Variants in SLC5A4 observed in about 807,000 individuals in gnomAD.
The protein encoded by SLC5A4 is solute carrier family 5 member 4, also known as probable glucose sensor protein SLC5A4.
Under a neutral mutation model 70.3 loss-of-function variants are expected in SLC5A4, and 55 were observed. The ratio of observed to expected loss-of-function variants is 0.78; its 90% CI spans 0.63 to 0.98. SLC5A4 has a LOEUF of 0.98. Among genes scored for constraint, SLC5A4 ranks in the 50% least tolerant of loss-of-function variants. The probability of loss-of-function intolerance (pLI) is 0.00; values close to 1 mark genes in which losing one functional copy is unlikely to be tolerated. For synonymous variants in SLC5A4, 268 were observed against 305.7 expected, an observed-to-expected ratio of 0.88 and a Z score of 1.29; for missense variants, 735 against 839.2, an observed-to-expected ratio of 0.88 and a Z score of 1.53.
chr22:32,271,585 G>A, the SLC5A4 span: 242 of 698,664 alleles, frequency 3.5e-4, no homozygotes, highest in African/African-American at 1.5e-3. Context: ...GCCGCGTGGC[G>A]TGTTTCCACT....
At position 32,231,058 on chromosome 22, in the gene SLC5A4, C is replaced by A. The variant is rs774047730; in HGVS notation, c.1039G>T (p.Val347Leu). 4 of 1,612,290 alleles carry A rather than the reference C, an allele frequency of 2.5e-6. No individual in the cohort carries two copies. The East Asian group carries it at 8.9e-5, about 36-fold the overall frequency. ...ILYTDMVACV[V>L]PSECVKHCGV... is the part of the protein sequence containing the mutation. ...CAGTGTTTCACGCATTCAGAAGGTA[C>A]CACACATGCTACCATATCTGGGGAA... The change falls in exon 10 of 15, where the codon GTA becomes TTA. Residue 347 changes from valine (V) to leucine (L), a missense_variant. Val to Leu is a conservative substitution (Grantham distance 32). Transcript: ENST00000266086.
intron 5 of SLC5A4, among the ~76,000 whole-genome samples, chr22:32,244,888 T>C (rs775964730): frequency 9.2e-5 from 14 of 152,342 alleles, no homozygotes; most frequent in Non-Finnish European, 1.3e-4. Flanking sequence ...TTTACCATTT[T>C]AACCATTTAA....
the SLC5A4 span, among the ~76,000 whole-genome samples, chr22:32,333,196 AC>A: frequency 7.8e-4 from 107 of 136,724 alleles, 1 homozygote; most frequent in African/African-American, 1.4e-3. Context: ...TAGCACTGGC[AC>A]CCCCCCCCCA....
At chr22:32,232,859 A>G in intron 9 of SLC5A4, 40 bp downstream of exon 9, 3 of 1,579,168 alleles carry the variant, frequency 1.9e-6, no homozygotes, top group Non-Finnish European at 1.7e-6. Flanking sequence ...ATCAGAATAC[A>G]AGCATAAAAA....
the SLC5A4 span, among the ~76,000 whole-genome samples, chr22:32,333,813 TCA>T: frequency 2.0e-4 from 28 of 142,238 alleles, no homozygotes; most frequent in East Asian, 6.4e-4. Flanking sequence ...CCACACAATA[TCA>T]CACACACACA....
the SLC5A4 span, among the ~76,000 whole-genome samples, chr22:32,312,363 G>GCACACACACACACACA: frequency 4.7e-5 from 4 of 84,546 alleles, no homozygotes; most frequent in African/African-American, 1.6e-4. Flanking sequence ...ACACGCGCGC[G>GCACACACACACACACA]CGCACACACA....
At chr22:32,240,269 A>G (rs1388981185) in intron 5 of SLC5A4, among the ~76,000 whole-genome samples, 1 of 152,068 alleles carries the variant, frequency 6.6e-6, no homozygotes, top group African/African-American at 2.4e-5. Flanking sequence ...TGACCCTCCT[A>G]GGGCCCTTAG....
At chr22:32,328,090 A>G in the SLC5A4 span, among the ~76,000 whole-genome samples, 1 of 78,062 alleles carries the variant, frequency 1.3e-5, no homozygotes, top group African/African-American at 3.2e-5. Flanking sequence ...AGAGCCCCCA[A>G]CACACAAACA....
At chr22:32,328,661 G>C in the SLC5A4 span, among the ~76,000 whole-genome samples, 1 of 152,276 alleles carries the variant, frequency 6.6e-6, no homozygotes, top group Admixed American at 6.5e-5. Flanking sequence ...CCTCCTGAGA[G>C]ACCCCAAGCC....
chr22:32,347,038 G>T, the SLC5A4 span, among the ~76,000 whole-genome samples: 1 of 152,110 alleles, frequency 6.6e-6, no homozygotes, highest in Non-Finnish European at 1.5e-5. Flanking sequence ...TCAAAAAGTG[G>T]GCGAAGGATA....
At chr22:32,319,303 G>A in the SLC5A4 span, among the ~76,000 whole-genome samples, 2 of 151,500 alleles carry the variant, frequency 1.3e-5, no homozygotes, top group Non-Finnish European at 3.0e-5. Flanking sequence ...CACACCATCA[G>A]CTCTCTTGGG....
the SLC5A4 span, among the ~76,000 whole-genome samples, chr22:32,283,942 G>A: frequency 6.6e-6 from 1 of 152,164 alleles, no homozygotes; most frequent in Non-Finnish European, 1.5e-5. Context: ...ATGAATTGGA[G>A]CTCTATAGGG....
the SLC5A4 span, among the ~76,000 whole-genome samples, chr22:32,283,684 G>A: frequency 6.6e-6 from 1 of 152,098 alleles, no homozygotes; most frequent in African/African-American, 2.4e-5. Context: ...AGTAAAATGA[G>A]GTAAGATAAT....
At chr22:32,285,161 C>T in the SLC5A4 span, 1 of 151,870 alleles carries the variant, frequency 6.6e-6, no homozygotes, top group Non-Finnish European at 1.5e-5. Context: ...TATATATATG[C>T]GTATATACGA....
At chr22:32,309,058 A>G in the SLC5A4 span, among the ~76,000 whole-genome samples, 1 of 152,212 alleles carries the variant, frequency 6.6e-6, no homozygotes, top group East Asian at 1.9e-4. Flanking sequence ...AATTTCAGCA[A>G]TGGTTATGGT....
chr22:32,303,950 C>T, the SLC5A4 span, among the ~76,000 whole-genome samples: 1 of 152,192 alleles, frequency 6.6e-6, no homozygotes, highest in African/African-American at 2.4e-5. Flanking sequence ...TCCACATTCT[C>T]ACCAGCATTT....
the SLC5A4 span, among the ~76,000 whole-genome samples, chr22:32,324,278 T>TACACACATATATGTATATATATATATAC: frequency 2.6e-5 from 4 of 151,656 alleles, no homozygotes; most frequent in Non-Finnish European, 5.9e-5. Flanking sequence ...TATATATATA[T>TACACACATATATGTATATATATATATAC]ACACACATAT....
At chr22:32,255,142 T>A in intron 1 of SLC5A4, 53 bp downstream of exon 1, 3 of 1,512,608 alleles carry the variant, frequency 2.0e-6, no homozygotes, top group Non-Finnish European at 2.7e-6. Flanking sequence ...CCCCTTAAGA[T>A]ACCCCCTCCT....
chr22:32,351,999 T>G, the SLC5A4 span, among the ~76,000 whole-genome samples: 87 of 151,792 alleles, frequency 5.7e-4, 1 homozygote, highest in African/African-American at 2.1e-3. Flanking sequence ...AGGAGACCTA[T>G]TATACATTTT....
Sources: allele counts gnomAD v4.1 joint callset (sites outside exome capture counted in the v4.1 genomes callset), GRCh38; gene constraint gnomAD v4.1.1; transcripts MANE v1.5; gene names NCBI Gene and HGNC (gene_info 2026-07-23, HGNC 2026-07-21).